Variants in TTYH3 observed in about 807,000 individuals in gnomAD.
TTYH3 encodes the protein protein tweety homolog 3.
In TTYH3, 23 loss-of-function variants were observed where a neutral mutation model predicts 68.2. The observed-to-expected ratio is 0.34, with a 90% CI of 0.24 to 0.48. The LOEUF (loss-of-function observed/expected upper bound fraction) is 0.48, where lower values mean the gene tolerates loss of function less well. TTYH3 is among the 20% of genes least tolerant of loss of function. The pLI is 0.99. For synonymous variants in TTYH3, 360 were observed against 332.8 expected, an observed-to-expected ratio of 1.08 and a Z score of -0.89; for missense variants, 768 against 727.7, an observed-to-expected ratio of 1.06 and a Z score of -0.64.
chr7:2,662,494 C>A lies in TTYH3; in HGVS notation c.*755C>A, dbSNP rs986745069. 13 of 153,852 alleles carry A rather than the reference C, an allele frequency of 8.4e-5. No individual in the cohort carries two copies. Among genetic ancestry groups the A allele is most frequent in the Non-Finnish European group, 1.6e-4 (11 of 68,894 alleles). 9.5% of individuals were successfully genotyped at this position (153,852 alleles called of 1,614,324 possible). A position where few individuals can be genotyped will look rare whatever the true frequency, so the allele number is the denominator to read the frequency against. ...TTCTTGGTGCCAAACCCCCTTCCCCCACCCAGAGACTGGGCAGCTGTGTCT... is the reference window on the plus strand; with the variant it reads ...TTCTTGGTGCCAAACCCCCTTCCCCAACCCAGAGACTGGGCAGCTGTGTCT... On this transcript the variant is annotated 3_prime_UTR_variant, in exon 14 of 14. Transcript: ENST00000258796.
In TTYH3 at chr7:2,632,204, C is replaced by A; in HGVS notation, c.49C>A (p.Arg17=). Residue 17 remains arginine (R), a synonymous_variant, in exon 1 of 14, where the codon CGG becomes AGG. Coordinates refer to ENST00000258796, the MANE Select transcript of TTYH3 (RefSeq NM_025250.3). ...GCCCTGGTGGGTGAGCCTCCTGCAC[C>A]GGCTGCCCCACTTCGACCTGAGCTG... The part of the protein sequence containing the change: ...AAPWWVSLLH[R]LPHFDLSWEA... 6.4e-7 allele frequency: 1 copy of A among 1,562,546 alleles called. No homozygotes were observed.
chr7:2,642,467 G>C (rs1785871825), intron 1 of TTYH3, among the ~76,000 whole-genome samples: 1 of 147,444 alleles, frequency 6.8e-6, no homozygotes. Context: ...ACTTGAACCT[G>C]AGAGGTGGAG....
chr7:2,652,251 C>T lies in TTYH3; in HGVS notation c.927+9C>T, dbSNP rs1786202641. The T allele has an allele frequency of 7.4e-6, 12 of 1,611,108 alleles. No individual in the cohort carries two copies. The highest frequency in any genetic ancestry group is 1.0e-5 in the Non-Finnish European group (12 of 1,179,804). On this transcript the variant is annotated intron_variant, in intron 8 of 13. Transcript: ENST00000258796. ...CCAACCCCTTCCAGCAGGTGAGAGC[C>T]TGGGAGGCCGGGACTGGGCTTCAGG...
intron 13 of TTYH3, among the ~76,000 whole-genome samples, chr7:2,659,340 C>T (rs944192440): frequency 1.2e-4 from 18 of 152,240 alleles, no homozygotes; most frequent in African/African-American, 4.1e-4. Flanking sequence ...AGTGGGTGGG[C>T]GGGCAGATGT....
chr7:2,663,581 A>T lies in TTYH3; in HGVS notation c.*1842A>T, dbSNP rs1282998320. On this transcript the variant is annotated 3_prime_UTR_variant, in exon 14 of 14. Coordinates refer to ENST00000258796, the MANE Select transcript of TTYH3 (RefSeq NM_025250.3). Reference sequence around the variant, plus strand: ...CCCCCTCGGAGGCCCCGCCACAGCCAACCTGCCCAGTCTTTCCTCTGGGCT... The same window carrying T: ...CCCCCTCGGAGGCCCCGCCACAGCCTACCTGCCCAGTCTTTCCTCTGGGCT... 1 of 152,564 alleles carries T rather than the reference A, an allele frequency of 6.6e-6. No individual in the cohort carries two copies. The highest frequency in any genetic ancestry group is 1.5e-5 in the Non-Finnish European group (1 of 68,132). 9.5% of individuals were successfully genotyped at this position (152,564 alleles called of 1,614,324 possible). A position where few individuals can be genotyped will look rare whatever the true frequency, so the allele number is the denominator to read the frequency against.
At chr7:2,633,484 G>A (rs763457707) in intron 1 of TTYH3, among the ~76,000 whole-genome samples, 10 of 152,130 alleles carry the variant, frequency 6.6e-5, no homozygotes, top group Non-Finnish European at 8.8e-5. Flanking sequence ...TGAGGAAGGG[G>A]GCGAGGGATC....
At chr7:2,633,569 A>G (rs1484889411) in intron 1 of TTYH3, among the ~76,000 whole-genome samples, 1 of 152,232 alleles carries the variant, frequency 6.6e-6, no homozygotes, top group African/African-American at 2.4e-5. Context: ...CCTGCGTTCT[A>G]GAAGCCCAGC....
intron 7 of TTYH3, among the ~76,000 whole-genome samples, chr7:2,651,296 G>C (rs1432925232): frequency 1.3e-5 from 2 of 152,210 alleles, no homozygotes; most frequent in African/African-American, 4.8e-5. Flanking sequence ...GGATTGGCTT[G>C]TGGGCTGGTT....
At chr7:2,653,955 C>A (rs1015959396) in intron 9 of TTYH3, among the ~76,000 whole-genome samples, 1 of 152,216 alleles carries the variant, frequency 6.6e-6, no homozygotes, top group Non-Finnish European at 1.5e-5. Flanking sequence ...CCGTGGGGAT[C>A]CCTGCCCCCA....
chr7:2,634,899 G>A (rs373666770), intron 1 of TTYH3, among the ~76,000 whole-genome samples: 108 of 152,226 alleles, frequency 7.1e-4, no homozygotes, highest in African/African-American at 2.5e-3. Context: ...GCCTGGAGTC[G>A]CAGGCTCCCC....
At chr7:2,647,667 C>G (rs369575213) in intron 4 of TTYH3, 29 bp downstream of exon 4, 18 of 1,534,788 alleles carry the variant, frequency 1.2e-5, no homozygotes, top group Non-Finnish European at 1.6e-5. Flanking sequence ...CCCTGCCCGC[C>G]CCACGTGGGA....
At chr7:2,660,156 T>C in intron 13 of TTYH3, 6 of 1,184,752 alleles carry the variant, frequency 5.1e-6, no homozygotes, top group Non-Finnish European at 6.5e-6. Flanking sequence ...TCTGTCCGGC[T>C]CCTGTTGGCA....
At position 2,638,663 on chromosome 7, in the gene TTYH3, G is replaced by A. The variant is rs375523429; in HGVS notation, c.123+6385G>A. On this transcript the variant is annotated intron_variant, in intron 1 of 13. Transcript: ENST00000258796. ...TGCTGGCTGCACGTCCTCCAGGCAC[G>A]GCCAGGAGCTCACCGTCATGGAATG... Among the ~76,000 whole-genome samples the A allele has an allele frequency of 1.9e-3, 293 of 152,308 alleles. 1 individual carries two copies. The highest frequency in any genetic ancestry group is 6.7e-3 in the African/African-American group (278 of 41,572).
chr7:2,664,542 C>G lies in TTYH3; in HGVS notation c.*2803C>G, dbSNP rs913376936. On this transcript the variant is annotated 3_prime_UTR_variant, in exon 14 of 14. Transcript: ENST00000258796. ...TACCCCCCCGGCCTGGGCATCTGACCTCCCCCACCCCAGTGTGATTTAACA... is the reference window on the plus strand; with the variant it reads ...TACCCCCCCGGCCTGGGCATCTGACGTCCCCCACCCCAGTGTGATTTAACA... 1 of 152,008 alleles carries G rather than the reference C, an allele frequency of 6.6e-6. No homozygotes were observed. Among genetic ancestry groups the G allele is most frequent in the Admixed American group, 6.6e-5 (1 of 15,214 alleles). The allele number at this position is 152,008 out of a possible 1,614,324, so 9.4% of individuals were successfully genotyped here.
At chr7:2,640,446 G>C (rs2114976691) in intron 1 of TTYH3, among the ~76,000 whole-genome samples, 1 of 152,198 alleles carries the variant, frequency 6.6e-6, no homozygotes, top group East Asian at 1.9e-4. Flanking sequence ...GACTTGCTGT[G>C]CACCCTCCCG....
At chr7:2,655,273 G>A (rs924873255) in intron 9 of TTYH3, among the ~76,000 whole-genome samples, 1 of 152,208 alleles carries the variant, frequency 6.6e-6, no homozygotes, top group South Asian at 2.1e-4. Context: ...AGCCTCCTGA[G>A]TAGCTGGGAC....
At chr7:2,644,742 A>G (rs1411190857) in intron 1 of TTYH3, among the ~76,000 whole-genome samples, 1 of 152,160 alleles carries the variant, frequency 6.6e-6, no homozygotes, top group Non-Finnish European at 1.5e-5. Context: ...GCTTTGGACC[A>G]TGGCGGCTCA....
At chr7:2,658,489 C>A (rs564787334) in intron 12 of TTYH3, 30 bp downstream of exon 12, 4 of 1,584,358 alleles carry the variant, frequency 2.5e-6, no homozygotes, top group African/African-American at 1.3e-5. Context: ...GTGGGGCCAG[C>A]GGACACGTCA....
chr7:2,655,696 A>G (rs1786314232), intron 9 of TTYH3, among the ~76,000 whole-genome samples: 1 of 152,262 alleles, frequency 6.6e-6, no homozygotes, highest in Non-Finnish European at 1.5e-5. Flanking sequence ...TTTGTCAGTC[A>G]GTATGAGACT....
Sources: gnomAD v4.1 joint callset for allele counts (sites outside exome capture counted in the v4.1 genomes callset) on GRCh38, gnomAD v4.1.1 for gene constraint, MANE v1.5 for transcripts, NCBI Gene and HGNC (gene_info 2026-07-23, HGNC 2026-07-21) for gene names.